The following HMCN1 variants were observed in gnomAD, a reference collection of about 807,000 sequenced individuals.
HMCN1 encodes hemicentin 1, also known as hemicentin-1.
HMCN1 carries 321 observed loss-of-function variants against 625.9 expected under a neutral mutation model. That is an observed-to-expected ratio of 0.51 (90% confidence interval 0.47 to 0.56). HMCN1 has a LOEUF of 0.56. HMCN1 is among the 20% of genes least tolerant of loss of function. The pLI is 0.00. For synonymous variants in HMCN1, 2,425 were observed against 2,417.6 expected (o/e 1.00, Z -0.09); for missense variants, 6,588 against 6,887.3 (o/e 0.96, Z 1.54).
intron 44 of HMCN1, 120 bp downstream of exon 44, chr1:186,054,106 T>C: frequency 1.0e-6 from 1 of 975,088 alleles, no homozygotes; most frequent in Non-Finnish European, 1.6e-6. Context: ...AACTATCATA[T>C]GACACACACA....
intron 10 of HMCN1, among the ~76,000 whole-genome samples, chr1:185,932,226 A>T (rs1344788661): frequency 1.3e-5 from 2 of 152,230 alleles, no homozygotes; most frequent in East Asian, 3.8e-4. Flanking sequence ...CATTATTTTT[A>T]TAACTTAAAA....
At chr1:185,776,715 C>T (rs1026787413) in intron 1 of HMCN1, among the ~76,000 whole-genome samples, 1 of 152,034 alleles carries the variant, frequency 6.6e-6, no homozygotes. Context: ...TTCATTTATT[C>T]TGGGATAACA....
intron 4 of HMCN1, among the ~76,000 whole-genome samples, chr1:185,907,328 C>T (rs1216325589): frequency 2.0e-5 from 3 of 151,912 alleles, no homozygotes; most frequent in African/African-American, 7.2e-5. Context: ...GATGACACTA[C>T]AAATTTTTCT....
In HMCN1 at chr1:185,976,144, G is replaced by C. The variant is rs542735235; in HGVS notation, c.2372-1643G>C. Among the ~76,000 whole-genome samples the C allele has an allele frequency of 2.6e-5, 4 of 152,294 alleles. No individual in the cohort carries two copies. In the South Asian group the frequency reaches 8.3e-4, roughly 32 times the overall value. ...AGAGTGAGTTTTCTGAAACTTTAGA[G>C]AGGGAAGAAATCATGCTCATCTCAA... On this transcript the variant is annotated intron_variant, in intron 15 of 106. Transcript: ENST00000271588.
intron 1 of HMCN1, among the ~76,000 whole-genome samples, chr1:185,746,598 C>T (rs1307587938): frequency 2.1e-5 from 3 of 142,278 alleles, no homozygotes; most frequent in African/African-American, 8.5e-5. Flanking sequence ...GTCAGATTTT[C>T]CTTTTCCTTT....
chr1:185,996,043 C>T (rs1652764301), intron 24 of HMCN1, among the ~76,000 whole-genome samples: 2 of 152,116 alleles, frequency 1.3e-5, no homozygotes, highest in African/African-American at 4.8e-5. Context: ...AAGAAGTTTT[C>T]CTGTTCATTC....
intron 1 of HMCN1, among the ~76,000 whole-genome samples, chr1:185,821,325 G>T (rs1292793564): frequency 6.6e-6 from 1 of 152,062 alleles, no homozygotes; most frequent in Non-Finnish European, 1.5e-5. Context: ...TGTTTAAAGA[G>T]AATAATTATA....
At chr1:185,956,525 G>C (rs758415058) in intron 11 of HMCN1, among the ~76,000 whole-genome samples, 1 of 152,222 alleles carries the variant, frequency 6.6e-6, no homozygotes, top group Non-Finnish European at 1.5e-5. Flanking sequence ...AGGTATGGTA[G>C]AAGTGGCACA....
chr1:185,762,444 G>A (rs1029960716), intron 1 of HMCN1, among the ~76,000 whole-genome samples: 1 of 152,120 alleles, frequency 6.6e-6, no homozygotes, highest in Non-Finnish European at 1.5e-5. Context: ...AAAATAAACT[G>A]AACAAAACTT....
chr1:186,020,387 A>G (rs1337830085), intron 35 of HMCN1, among the ~76,000 whole-genome samples: 2 of 152,028 alleles, frequency 1.3e-5, no homozygotes, highest in South Asian at 2.1e-4. Context: ...TGAGTTCCCT[A>G]ATGAGAGATA....
At chr1:185,824,259 C>T (rs1025889942) in intron 1 of HMCN1, among the ~76,000 whole-genome samples, 1 of 152,192 alleles carries the variant, frequency 6.6e-6, no homozygotes. Flanking sequence ...GGAGCTCAAG[C>T]TGTCTCCTTC....
chr1:186,176,284 T>A (rs1329580180), intron 103 of HMCN1, among the ~76,000 whole-genome samples: 1 of 152,254 alleles, frequency 6.6e-6, no homozygotes, highest in Non-Finnish European at 1.5e-5. Flanking sequence ...AAATTATTAA[T>A]TCAGAAAATA....
At position 185,913,371 on chromosome 1, in the gene HMCN1, A is replaced by C. The variant is rs1222140086; in HGVS notation, c.900+1591A>C. Among the ~76,000 whole-genome samples, 5 of 152,140 alleles carry C rather than the reference A, an allele frequency of 3.3e-5. No individual in the cohort carries two copies. In the East Asian group the frequency reaches 9.6e-4, roughly 29 times the overall value. On this transcript the variant is annotated intron_variant, in intron 6 of 106. Coordinates refer to ENST00000271588, the MANE Select transcript of HMCN1 (RefSeq NM_031935.3). Reference sequence around the variant, plus strand: ...TTTTAAATAAATGTGGCCAAATTTTATGTAATGGTTATTTTGACTAACTTG... The same window carrying C: ...TTTTAAATAAATGTGGCCAAATTTTCTGTAATGGTTATTTTGACTAACTTG...
rs1391473347 is a variant in HMCN1 at position 186,074,796 on chromosome 1, TAAAG to T, written c.8196_8199del (p.Ile2732MetfsTer14). ...GCTGCGAATGGACACACACTTCAAA[TAAAG>T]GAGGCTCAAATATCAGACACCGGAC... On this transcript the variant is annotated frameshift_variant, in exon 53 of 107. Coordinates refer to ENST00000271588, the MANE Select transcript of HMCN1 (RefSeq NM_031935.3). LOFTEE classifies it high-confidence loss of function. 1 of 1,612,830 alleles carries T rather than the reference TAAAG, an allele frequency of 6.2e-7. No individual in the cohort carries two copies. The highest frequency in any genetic ancestry group is 1.3e-5 in the African/African-American group (1 of 74,848).
chr1:186,024,274 G>C (rs1654914404), intron 36 of HMCN1, among the ~76,000 whole-genome samples: 1 of 152,192 alleles, frequency 6.6e-6, no homozygotes, highest in South Asian at 2.1e-4. Context: ...CTGCTCTACT[G>C]TAAGGTGCCT....
chr1:186,134,706 GTATTCTATT>G (rs1649488789), intron 86 of HMCN1, among the ~76,000 whole-genome samples: 1 of 151,924 alleles, frequency 6.6e-6, no homozygotes. Flanking sequence ...TGTCTTATTT[GTATTCTATT>G]TATTCTAGAT....
chr1:186,077,766 A>G (rs1326389387), intron 54 of HMCN1, among the ~76,000 whole-genome samples: 1 of 152,202 alleles, frequency 6.6e-6, no homozygotes, highest in Non-Finnish European at 1.5e-5. Flanking sequence ...AATGGTGTAA[A>G]CTTCTATTAA....
At chr1:185,974,424 T>C (rs1438356743) in intron 15 of HMCN1, among the ~76,000 whole-genome samples, 1 of 152,146 alleles carries the variant, frequency 6.6e-6, no homozygotes, top group Non-Finnish European at 1.5e-5. Flanking sequence ...TTTTTGTTCA[T>C]GGGGATATTT....
intron 6 of HMCN1, among the ~76,000 whole-genome samples, chr1:185,912,420 T>C (rs1179611891): frequency 6.6e-6 from 1 of 152,192 alleles, no homozygotes; most frequent in Non-Finnish European, 1.5e-5. Context: ...TCTTAAGTGG[T>C]ATATATTTCC....
Sources: allele counts gnomAD v4.1 joint callset (sites outside exome capture counted in the v4.1 genomes callset), GRCh38; gene constraint gnomAD v4.1.1; transcripts MANE v1.5; gene names NCBI Gene and HGNC (gene_info 2026-07-23, HGNC 2026-07-21).